Variants in JMJD1C observed in about 807,000 individuals in gnomAD.
JMJD1C encodes the protein jumonji domain-containing protein 1C.
Under a neutral mutation model 245.3 loss-of-function variants are expected in JMJD1C, and 31 were observed. The ratio of observed to expected loss-of-function variants is 0.13; its 90% CI spans 0.09 to 0.17. The LOEUF (loss-of-function observed/expected upper bound fraction) is 0.17. Ranked by LOEUF, JMJD1C falls within the 10% of genes least tolerant of loss-of-function variation. The pLI is 1.00. For synonymous variants in JMJD1C, 1,057 were observed against 1,017.4 expected, an observed-to-expected ratio of 1.04 and a Z score of -0.74; for missense variants, 2,691 against 3,000.2, an observed-to-expected ratio of 0.90 and a Z score of 2.41.
intron 2 of JMJD1C, among the ~76,000 whole-genome samples, chr10:63,351,861 C>T (rs923262924): frequency 6.6e-6 from 1 of 152,172 alleles, no homozygotes; most frequent in African/African-American, 2.4e-5. Flanking sequence ...TCATTCACAT[C>T]ATTTTAGTGA....
chr10:63,169,310 T>C (rs1259153234), intron 24 of JMJD1C, among the ~76,000 whole-genome samples: 2 of 152,180 alleles, frequency 1.3e-5, no homozygotes, highest in African/African-American at 2.4e-5. Context: ...TTAGAGCTGC[T>C]TTCTATTAAT....
chr10:63,448,775 T>C (rs975288075), intron 1 of JMJD1C, among the ~76,000 whole-genome samples: 1 of 152,146 alleles, frequency 6.6e-6, no homozygotes, highest in African/African-American at 2.4e-5. Context: ...GCTAAACACA[T>C]TGGGATTGTA....
intron 10 of JMJD1C, chr10:63,202,455 C>CAG: frequency 1.0e-6 from 1 of 985,388 alleles, no homozygotes; most frequent in Admixed American, 6.1e-5. Flanking sequence ...ATGTGTGGAT[C>CAG]AGAGGTACAG....
At chr10:63,344,579 A>C (rs1288258946) in intron 2 of JMJD1C, among the ~76,000 whole-genome samples, 2 of 152,240 alleles carry the variant, frequency 1.3e-5, no homozygotes, top group Non-Finnish European at 2.9e-5. Context: ...CATGAAAGAA[A>C]TAAAAACATA....
At chr10:63,286,160 G>A (rs1231979313) in intron 2 of JMJD1C, among the ~76,000 whole-genome samples, 3 of 152,092 alleles carry the variant, frequency 2.0e-5, no homozygotes, top group Admixed American at 6.6e-5. Flanking sequence ...TTTGATTTTC[G>A]AATCAAAGAC....
intron 1 of JMJD1C, among the ~76,000 whole-genome samples, chr10:63,414,857 A>C (rs1589702983): frequency 6.6e-6 from 1 of 151,314 alleles, no homozygotes; most frequent in South Asian, 2.1e-4. Flanking sequence ...CAGTGAGCTG[A>C]GATCAGGCCA....
intron 3 of JMJD1C, among the ~76,000 whole-genome samples, chr10:63,223,293 T>A (rs1848845187): frequency 6.6e-6 from 1 of 150,396 alleles, no homozygotes; most frequent in Non-Finnish European, 1.5e-5. Flanking sequence ...CTGGGCACGA[T>A]CTTGACTCAC....
intron 10 of JMJD1C, 92 bp from the exon 11 acceptor site, chr10:63,200,769 A>G: frequency 9.1e-7 from 1 of 1,095,978 alleles, no homozygotes; most frequent in Non-Finnish European, 1.3e-6. Context: ...TACAATTGTG[A>G]TGATACGGTA....
intron 1 of JMJD1C, among the ~76,000 whole-genome samples, chr10:63,492,347 T>C (rs1564968136): frequency 6.6e-6 from 1 of 152,222 alleles, no homozygotes; most frequent in Non-Finnish European, 1.5e-5. Flanking sequence ...AGAAAAATTT[T>C]AGCCTACAAT....
rs745649754 is a variant in JMJD1C, at chr10:63,214,831, C to T, written c.1336G>A (p.Ala446Thr). Residue 446 changes from alanine (A) to threonine (T), a missense_variant, in exon 8 of 26, where the codon GCA becomes ACA. Physicochemically the swap from Ala to Thr is moderately conservative, Grantham distance 58. Around this residue, in one of 9 missense-constraint regions of JMJD1C, gnomAD observed 1,562 missense variants for 1,490.7 expected, o/e 1.05. Transcript: ENST00000399262. ...GTGTCAACAGACTTCCGCTTCTCTG[C>T]TTCTTCATGTTTTTTATCTTCCTGT... ...QIQEDKKHEE[A>T]EKRKSVDTQL... 8.2e-5 allele frequency: 133 copies of T among 1,613,646 alleles called. No homozygotes were observed. The highest frequency in any genetic ancestry group is 3.2e-4 in the African/African-American group (24 of 74,716).
intron 8 of JMJD1C, among the ~76,000 whole-genome samples, chr10:63,209,799 A>C (rs1589154336): frequency 6.6e-6 from 1 of 152,188 alleles, no homozygotes; most frequent in Admixed American, 6.5e-5. Context: ...GAGGTGTAGA[A>C]GTCTAATAAA....
Position 63,350,057 on chromosome 10 carries a change from C to T in JMJD1C, c.333+30261G>A, listed in dbSNP as rs115107558. Among the ~76,000 whole-genome samples the T allele has an allele frequency of 9.5e-3, 1,452 of 152,160 alleles. 26 individuals are homozygous for T. Among genetic ancestry groups the T allele is most frequent in the African/African-American group, 0.033 (1,379 of 41,522 alleles). ...AAAAATTTATACCTATAAAAGAAGA[C>T]AAAAAGAATAAGATTTTAATATATT... On this transcript the variant is annotated intron_variant, in intron 2 of 25. Transcript: ENST00000399262.
intron 3 of JMJD1C, among the ~76,000 whole-genome samples, chr10:63,230,248 T>A (rs1849793893): frequency 6.6e-6 from 1 of 152,114 alleles, no homozygotes; most frequent in Non-Finnish European, 1.5e-5. Flanking sequence ...GGCGCTTGCC[T>A]GTAATCCCAG....
chr10:63,478,798 C>T (rs1488499974), intron 1 of JMJD1C, among the ~76,000 whole-genome samples: 1 of 152,138 alleles, frequency 6.6e-6, no homozygotes, highest in African/African-American at 2.4e-5. Flanking sequence ...ACCTTAGTCT[C>T]CAGACCCCCC....
At chr10:63,224,053 A>G (rs1042049113) in intron 3 of JMJD1C, among the ~76,000 whole-genome samples, 3 of 151,990 alleles carry the variant, frequency 2.0e-5, no homozygotes, top group Admixed American at 6.6e-5. Context: ...AGCCTTATAA[A>G]TATTTTTTCA....
At chr10:63,220,139 G>A (rs1349739615) in intron 3 of JMJD1C, among the ~76,000 whole-genome samples, 156 bp from the exon 4 acceptor site, 1 of 152,182 alleles carries the variant, frequency 6.6e-6, no homozygotes, top group Non-Finnish European at 1.5e-5. Flanking sequence ...ATTGGCAATT[G>A]TGTAACAAAA....
intron 2 of JMJD1C, among the ~76,000 whole-genome samples, chr10:63,306,505 G>A (rs77140564): frequency 0.078 from 11,897 of 152,226 alleles, 701 homozygotes; most frequent in East Asian, 0.29. Context: ...AGATCAAGGT[G>A]GTTGTGAGAT....
chr10:63,407,031 T>C (rs1949212437), intron 1 of JMJD1C, among the ~76,000 whole-genome samples: 1 of 151,976 alleles, frequency 6.6e-6, no homozygotes, highest in South Asian at 2.1e-4. Flanking sequence ...TAAAGCCAAA[T>C]ATTAGGGAAA....
At chr10:63,218,765 GA>G (rs1355004945) in intron 4 of JMJD1C, among the ~76,000 whole-genome samples, 1 of 151,962 alleles carries the variant, frequency 6.6e-6, no homozygotes, top group African/African-American at 2.4e-5. Flanking sequence ...CAAGGAAAGG[GA>G]AAAAAAGAGC....
Sources: gnomAD v4.1 joint callset for allele counts (sites outside exome capture counted in the v4.1 genomes callset) on GRCh38, gnomAD v4.1.1 for gene constraint, gnomAD v4.1.1 regional missense constraint, MANE v1.5 for transcripts, NCBI Gene and HGNC (gene_info 2026-07-23, HGNC 2026-07-21) for gene names.